The following SLC25A30 variants were observed in gnomAD, a reference collection of about 807,000 sequenced individuals.
SLC25A30 encodes the protein kidney mitochondrial carrier protein 1.
In SLC25A30, 29 loss-of-function variants were observed where a neutral mutation model predicts 42.7. The ratio of observed to expected loss-of-function variants is 0.68; its 90% CI spans 0.51 to 0.93. The LOEUF is 0.93. SLC25A30 is among the 40% of genes least tolerant of loss of function. The pLI, the probability that SLC25A30 is intolerant of heterozygous loss-of-function variation, is 0.00. For missense variants in SLC25A30, 300 were observed against 359.7 expected (o/e 0.83, Z 1.34); for synonymous variants, 124 against 131.0 (o/e 0.95, Z 0.37).
the SLC25A30 span, among the ~76,000 whole-genome samples, chr13:45,425,205 A>C: frequency 9.8e-6 from 1 of 101,960 alleles, no homozygotes; most frequent in African/African-American, 4.1e-5. Flanking sequence ...AATATATGTA[A>C]GTATATATAT....
the SLC25A30 span, among the ~76,000 whole-genome samples, chr13:45,423,555 A>T: frequency 8.5e-5 from 4 of 47,308 alleles, no homozygotes; most frequent in Non-Finnish European, 1.5e-4. Flanking sequence ...TAAATACATA[A>T]AAAAAATATA....
At chr13:45,419,218 T>A (rs548042883), upstream of SLC25A30, among the ~76,000 whole-genome samples, 1 of 148,538 alleles carries the variant, frequency 6.7e-6, no homozygotes, top group Non-Finnish European at 1.5e-5. Context: ...TCTTTACATA[T>A]ATATCTAATA....
At position 45,405,891 on chromosome 13, in the gene SLC25A30, C is replaced by T. The variant is rs750605865; in HGVS notation, c.299G>A (p.Arg100His). 10 of 1,614,040 alleles carry T rather than the reference C, an allele frequency of 6.2e-6. No homozygotes were observed. The highest frequency in any genetic ancestry group is 1.7e-4 in the Middle Eastern group (1 of 6,060). The stretch of plus-strand genomic sequence containing the variant: ...ACAGATTCCCCACTCACCTTCTGGG[C>T]GTTCAATGAATAGTCGCTTCAAGCT... ...YQSLKRLFIERPEDETLPINV... is the reference protein window; with the variant it reads ...YQSLKRLFIEHPEDETLPINV... Residue 100 changes from arginine to histidine, a missense_variant, in exon 4 of 10, where the codon CGC (arginine) becomes CAC (histidine). Coordinates refer to ENST00000519676, the MANE Select transcript of SLC25A30 (RefSeq NM_001010875.4).
the SLC25A30 span, among the ~76,000 whole-genome samples, chr13:45,431,671 A>C: frequency 1.3e-5 from 2 of 151,552 alleles, no homozygotes; most frequent in Non-Finnish European, 2.9e-5. Context: ...GGCGTGAGCC[A>C]CCGCACCCAG....
upstream of SLC25A30, among the ~76,000 whole-genome samples, chr13:45,420,530 T>A (rs1250391224): frequency 6.6e-6 from 1 of 152,174 alleles, no homozygotes; most frequent in Non-Finnish European, 1.5e-5. Context: ...TGTGTGGTAC[T>A]ACATACAAAG....
chr13:45,423,606 A>AAT, the SLC25A30 span, among the ~76,000 whole-genome samples: 1 of 99,624 alleles, frequency 1.0e-5, no homozygotes, highest in African/African-American at 4.0e-5. Context: ...TATATATATA[A>AAT]ATATATATAA....
Position 45,395,940 on chromosome 13 carries a change from T to C in SLC25A30, c.*34A>G. ...AGCTTTGCTGTTTCAGAAGTTACCATTTTCAGAAAGATGTCTCATGCAGCC... is the reference window on the plus strand; with the variant it reads ...AGCTTTGCTGTTTCAGAAGTTACCACTTTCAGAAAGATGTCTCATGCAGCC... On this transcript the variant is annotated 3_prime_UTR_variant, in exon 10 of 10. Coordinates refer to ENST00000519676, the MANE Select transcript of SLC25A30 (RefSeq NM_001010875.4). The C allele has an allele frequency of 1.2e-6, 2 of 1,614,124 alleles. No individual in the cohort carries two copies. The highest frequency in any genetic ancestry group is 1.1e-5 in the South Asian group (1 of 91,080).
In SLC25A30 at chr13:45,395,907, A is replaced by C. The variant is rs963708673; in HGVS notation, c.*67T>G. 3.7e-6 allele frequency: 6 copies of C among 1,613,796 alleles called. No homozygotes were observed. In the African/African-American group the frequency reaches 8.0e-5, roughly 22 times the overall value. ...GCCAAGCAGTGAGAAGCAGAGTGAA[A>C]CACAGGAAGCTTTGCTGTTTCAGAA... On this transcript the variant is annotated 3_prime_UTR_variant, in exon 10 of 10. Coordinates refer to ENST00000519676, the MANE Select transcript of SLC25A30 (RefSeq NM_001010875.4).
At chr13:45,431,008 C>T in the SLC25A30 span, among the ~76,000 whole-genome samples, 1 of 151,950 alleles carries the variant, frequency 6.6e-6, no homozygotes. Flanking sequence ...AGTTCTAGGG[C>T]TGTAAACACC....
intron 1 of SLC25A30, among the ~76,000 whole-genome samples, chr13:45,412,441 T>C (rs916547868): frequency 1.3e-4 from 20 of 152,136 alleles, no homozygotes; most frequent in African/African-American, 4.6e-4. Flanking sequence ...GGCTCACTTC[T>C]CTTAGCCTTA....
the SLC25A30 span, among the ~76,000 whole-genome samples, chr13:45,433,594 G>C: frequency 1.3e-5 from 2 of 152,162 alleles, no homozygotes; most frequent in African/African-American, 4.8e-5. Context: ...CTCTGATAAA[G>C]AGCATACATG....
At chr13:45,425,915 A>T in the SLC25A30 span, among the ~76,000 whole-genome samples, 1 of 143,334 alleles carries the variant, frequency 7.0e-6, no homozygotes, top group Non-Finnish European at 1.5e-5. Flanking sequence ...CTGGTCTTGA[A>T]CTCCTGACCT....
the SLC25A30 span, among the ~76,000 whole-genome samples, chr13:45,423,791 T>A: frequency 1.2e-4 from 9 of 75,336 alleles, no homozygotes; most frequent in Non-Finnish European, 2.1e-4. Flanking sequence ...TATAAATATA[T>A]AAATATATAT....
intron 1 of SLC25A30, chr13:45,411,690 A>T: frequency 2.1e-6 from 1 of 467,280 alleles, no homozygotes; most frequent in South Asian, 2.2e-5. Flanking sequence ...CAGTGATCTT[A>T]ATTTTTACTG....
At position 45,418,334 on chromosome 13, in the gene SLC25A30, G is replaced by C. The variant is rs574573007; in HGVS notation, c.-90C>G. On this transcript the variant is annotated 5_prime_UTR_variant, in exon 1 of 10. Transcript: ENST00000519676. ...GCGGCCCCACACCTCCTCCAACCCG[G>C]ACTCAGTTGTAACAAGAACCTGAGG... The C allele has an allele frequency of 6.6e-6, 1 of 152,428 alleles. No individual in the cohort carries two copies. Among genetic ancestry groups the C allele is most frequent in the East Asian group, 1.9e-4 (1 of 5,172 alleles). The allele number at this position is 152,428 out of a possible 1,614,324, so 9.4% of individuals were successfully genotyped here. A position where few individuals can be genotyped will look rare whatever the true frequency, so the allele number is the denominator to read the frequency against.
chr13:45,426,528 C>A, the SLC25A30 span, among the ~76,000 whole-genome samples: 1 of 152,136 alleles, frequency 6.6e-6, no homozygotes, highest in Non-Finnish European at 1.5e-5. Flanking sequence ...CCTACGTGAA[C>A]CTTTAGCAAA....
chr13:45,429,225 C>T, the SLC25A30 span, among the ~76,000 whole-genome samples: 2 of 151,462 alleles, frequency 1.3e-5, no homozygotes, highest in African/African-American at 4.9e-5. Context: ...TGTGTCACCA[C>T]ACCTGGCTAA....
At position 45,398,941 on chromosome 13, in the gene SLC25A30, T is replaced by G; in HGVS notation, c.752A>C (p.Gln251Pro). 6.2e-7 allele frequency: 1 copy of G among 1,613,860 alleles called. No individual in the cohort carries two copies. Among genetic ancestry groups the G allele is most frequent in the South Asian group, 1.1e-5 (1 of 91,030 alleles). Residue 251 changes from glutamine (Q) to proline (P), a missense_variant and splice_region_variant, in exon 8 of 10, where the codon CAG becomes CCG. Gln to Pro is a moderately conservative substitution (Grantham distance 76). Coordinates refer to ENST00000519676, the MANE Select transcript of SLC25A30 (RefSeq NM_001010875.4). Reference protein sequence around the residue: ...GYTGTLDCLLQTWKNEGFFAL... With the variant: ...GYTGTLDCLLPTWKNEGFFAL... Reference sequence around the variant, plus strand: ...GCAGAGACAGACATCTGCTCTTACCTGTAACAAGCAATCCAGGGTTCCTGT... The same window carrying G: ...GCAGAGACAGACATCTGCTCTTACCGGTAACAAGCAATCCAGGGTTCCTGT...
the SLC25A30 span, among the ~76,000 whole-genome samples, chr13:45,426,173 G>A: frequency 1.3e-5 from 2 of 151,350 alleles, no homozygotes; most frequent in Admixed American, 1.3e-4. Flanking sequence ...TGCAACCTCC[G>A]CCTCCCAGGT....
Sources: gnomAD v4.1 joint callset for allele counts (sites outside exome capture counted in the v4.1 genomes callset) on GRCh38, gnomAD v4.1.1 for gene constraint, MANE v1.5 for transcripts, NCBI Gene and HGNC (gene_info 2026-07-23, HGNC 2026-07-21) for gene names.